Variants in OVCH1 observed in about 807,000 individuals in gnomAD.
The protein encoded by OVCH1 is ovochymase 1.
OVCH1 carries 139 observed loss-of-function variants against 138.4 expected under a neutral mutation model. The observed-to-expected ratio is 1.00, with a 90% CI of 0.87 to 1.16. OVCH1 has a LOEUF of 1.16. OVCH1 is among the 50% of genes most tolerant of loss of function. OVCH1 has a pLI of 0.00. For missense variants in OVCH1, 1,367 were observed against 1,357.9 expected, an observed-to-expected ratio of 1.01 and a Z score of -0.11; for synonymous variants, 453 against 467.8, an observed-to-expected ratio of 0.97 and a Z score of 0.41.
chr12:29,418,957 C>T (rs1157777508), intron 3 of OVCH1, among the ~76,000 whole-genome samples: 1 of 152,146 alleles, frequency 6.6e-6, no homozygotes, highest in African/African-American at 2.4e-5. Context: ...TCTGGGCTCA[C>T]GTGATTCTGT....
intron 6 of OVCH1, among the ~76,000 whole-genome samples, chr12:29,489,399 C>T (rs79061804): frequency 2.0e-5 from 3 of 152,020 alleles, no homozygotes; most frequent in Admixed American, 6.5e-5. Flanking sequence ...GCCAACCCAC[C>T]GAAATAAAAG....
chr12:29,491,232 C>A, intron 4 of OVCH1, 40 bp from the exon 5 acceptor site: 3 of 1,468,418 alleles, frequency 2.0e-6, no homozygotes, highest in Non-Finnish European at 2.9e-6. Flanking sequence ...TGGATAAATA[C>A]GCCATGTTGA....
At chr12:29,428,463 A>G (rs1439792366) in intron 27 of OVCH1, among the ~76,000 whole-genome samples, 1 of 152,188 alleles carries the variant, frequency 6.6e-6, no homozygotes, top group African/African-American at 2.4e-5. Context: ...TTGTTCAACT[A>G]CAGGTACATT....
Position 29,438,339 on chromosome 12 carries a change from A to ATACTT in OVCH1, c.3264+984_3264+988dup, listed in dbSNP as rs1254503302. ...GTTTTAATTACCATGGTTTTAGAGT[A>ATACTT]TACTTTAATATCTGATAGAGCAATT... is the stretch of plus-strand genomic sequence containing the variant. On this transcript the variant is annotated intron_variant, in intron 26 of 27. Coordinates refer to ENST00000318184, the Ensembl canonical transcript of OVCH1. 5.3e-5 allele frequency among the ~76,000 whole-genome samples: 8 copies of ATACTT among 152,216 alleles called. No individual in the cohort carries two copies. The East Asian group carries it at 1.5e-3, about 29-fold the overall frequency.
At chr12:29,496,713 T>C in intron 1 of OVCH1, 39 bp from the exon 2 acceptor site, 2 of 1,455,588 alleles carry the variant, frequency 1.4e-6, no homozygotes, top group Non-Finnish European at 1.9e-6. Flanking sequence ...ACACAGAGCC[T>C]TATGTAAGAG....
At chr12:29,431,655 C>T (rs1481764725) in intron 27 of OVCH1, among the ~76,000 whole-genome samples, 1 of 152,082 alleles carries the variant, frequency 6.6e-6, no homozygotes, top group African/African-American at 2.4e-5. Context: ...TTCACATAGA[C>T]ATATCATAAT....
At chr12:29,404,849 C>T in the OVCH1 span, among the ~76,000 whole-genome samples, 2 of 151,676 alleles carry the variant, frequency 1.3e-5, no homozygotes, top group Non-Finnish European at 2.9e-5. Context: ...AGGGAAACCC[C>T]GTTGCTACTA....
intron 17 of OVCH1, 64 bp from the exon 18 acceptor site, chr12:29,464,766 G>T: frequency 1.4e-6 from 2 of 1,384,166 alleles, no homozygotes; most frequent in South Asian, 2.6e-5. Context: ...CAACTTCCTT[G>T]TTGATGGTCC....
At chr12:29,436,075 G>A (rs1184192021) in intron 26 of OVCH1, among the ~76,000 whole-genome samples, 1 of 151,888 alleles carries the variant, frequency 6.6e-6, no homozygotes, top group East Asian at 1.9e-4. Context: ...AATATGACAG[G>A]TGTTTTATTT....
chr12:29,485,240 A>C (rs770021558), intron 8 of OVCH1, among the ~76,000 whole-genome samples: 1 of 149,986 alleles, frequency 6.7e-6, no homozygotes, highest in Non-Finnish European at 1.5e-5. Context: ...AGACTGAGGC[A>C]GGAGAATTGC....
chr12:29,485,977 T>TTA (rs1555154843), intron 8 of OVCH1, among the ~76,000 whole-genome samples: 1 of 75,844 alleles, frequency 1.3e-5, no homozygotes, highest in Non-Finnish European at 2.6e-5. Flanking sequence ...ATAAAATAAA[T>TTA]AAATAAATAA....
chr12:29,448,342 G>A (rs574426097), intron 22 of OVCH1, among the ~76,000 whole-genome samples: 11 of 151,722 alleles, frequency 7.3e-5, no homozygotes, highest in Admixed American at 7.2e-4. Context: ...GGACCCATGT[G>A]TTAGAAGATA....
In OVCH1 at chr12:29,472,095, T is replaced by C; in HGVS notation, c.1676-113A>G. On this transcript the variant is annotated intron_variant, in intron 15 of 27. Coordinates refer to ENST00000318184, the Ensembl canonical transcript of OVCH1. ...ATTCTCAAACATCAGATAGGCTTTA[T>C]AATAATATTGACTCCCAAAACTCAC... The C allele has an allele frequency of 3.5e-6, 4 of 1,138,438 alleles. No individual in the cohort carries two copies. In the South Asian group the frequency reaches 7.1e-5, roughly 20 times the overall value. The allele number at this position is 1,138,438 out of a possible 1,614,324, so 70.5% of individuals were successfully genotyped here.
At chr12:29,437,223 A>C (rs1355498793) in intron 26 of OVCH1, among the ~76,000 whole-genome samples, 1 of 152,172 alleles carries the variant, frequency 6.6e-6, no homozygotes, top group Non-Finnish European at 1.5e-5. Context: ...TAGACAGAAA[A>C]GTTCTCCAAG....
intron 26 of OVCH1, among the ~76,000 whole-genome samples, chr12:29,435,931 T>TA (rs1419377434): frequency 1.1e-4 from 17 of 152,258 alleles, no homozygotes; most frequent in Middle Eastern, 3.4e-3. Context: ...TGGGAAAAAT[T>TA]TAGAGAATTT....
intron 19 of OVCH1, among the ~76,000 whole-genome samples, chr12:29,456,817 C>T (rs1014561339): frequency 1.3e-5 from 2 of 152,202 alleles, no homozygotes; most frequent in African/African-American, 4.8e-5. Context: ...GCCTAATTTA[C>T]GGTGAAATTT....
chr12:29,476,166 C>G (rs369509424), intron 13 of OVCH1, 40 bp downstream of exon 13: 8 of 1,518,422 alleles, frequency 5.3e-6, no homozygotes, highest in Non-Finnish European at 7.3e-6. Flanking sequence ...TACTCTGATT[C>G]GTCTAACACT....
intron 7 of OVCH1, chr12:29,486,939 G>A (rs1282176895): frequency 5.0e-5 from 23 of 455,650 alleles, no homozygotes; most frequent in Non-Finnish European, 2.2e-5. Flanking sequence ...CCCTGCAGTG[G>A]AGCAGTGAAG....
At chr12:29,410,786 T>G (rs1193453067), downstream of OVCH1, among the ~76,000 whole-genome samples, 110 of 151,614 alleles carry the variant, frequency 7.3e-4, no homozygotes, top group Non-Finnish European at 1.1e-3. Context: ...ACAATTATGT[T>G]TCTTGGAGTT....
Sources: allele counts gnomAD v4.1 joint callset (sites outside exome capture counted in the v4.1 genomes callset), GRCh38; gene constraint gnomAD v4.1.1; transcripts MANE v1.5; gene names NCBI Gene and HGNC (gene_info 2026-07-23, HGNC 2026-07-21).